The following RECK variants were observed in gnomAD, a reference collection of about 807,000 sequenced individuals.
The protein encoded by RECK is reversion-inducing cysteine-rich protein with Kazal motifs.
A neutral mutation model predicts 115.1 loss-of-function variants in RECK; 69 were observed. The observed-to-expected ratio is 0.60, with a 90% CI of 0.49 to 0.73. The LOEUF is 0.73. Ranked by LOEUF, RECK falls within the 30% of genes least tolerant of loss-of-function variation. The pLI is 0.00. For missense variants in RECK, 1,047 were observed against 1,203.7 expected (o/e 0.87, Z 1.93); for synonymous variants, 414 against 419.7 (o/e 0.99, Z 0.17).
In RECK at chr9:36,100,524, C is replaced by T. The variant is rs189825349; in HGVS notation, c.1279C>T (p.Arg427Trp). The T allele has an allele frequency of 2.4e-5, 38 of 1,613,386 alleles. No homozygotes were observed. The East Asian group carries it at 7.8e-4, about 33-fold the overall frequency. The change falls in exon 11 of 21, where the codon CGG becomes TGG. Residue 427 changes from arginine to tryptophan, a missense_variant. By Grantham distance (101) the Arg-to-Trp change is moderately radical. Transcript: ENST00000377966. ...LQIKPCHSKS[R>W]GSIICKSDCV... ...GATTAAACCTTGTCATAGTAAATCTCGGGGAAGTATTATTTGCAAGTAAGT... is the reference window on the plus strand; with the variant it reads ...GATTAAACCTTGTCATAGTAAATCTTGGGGAAGTATTATTTGCAAGTAAGT...
At chr9:36,056,312 GA>G (rs1234112521) in intron 2 of RECK, among the ~76,000 whole-genome samples, 1 of 151,928 alleles carries the variant, frequency 6.6e-6, no homozygotes, top group African/African-American at 2.4e-5. Flanking sequence ...TAGTTATTCA[GA>G]TTTCTTAATT....
At chr9:36,045,195 C>G (rs1821024843) in intron 1 of RECK, among the ~76,000 whole-genome samples, 1 of 152,146 alleles carries the variant, frequency 6.6e-6, no homozygotes, top group African/African-American at 2.4e-5. Context: ...CTATTTGGCG[C>G]TTCCTTGGCT....
chr9:36,041,412 G>A (rs1820859386), intron 1 of RECK, among the ~76,000 whole-genome samples: 1 of 152,166 alleles, frequency 6.6e-6, no homozygotes, highest in Admixed American at 6.5e-5. Flanking sequence ...CAGTGGGGAA[G>A]GGAATTATCT....
intron 10 of RECK, among the ~76,000 whole-genome samples, chr9:36,091,933 A>G (rs1023992229): frequency 6.6e-6 from 1 of 152,210 alleles, no homozygotes; most frequent in African/African-American, 2.4e-5. Context: ...AGCAAGAGAG[A>G]GAGAGTTACT....
At chr9:36,099,635 T>G (rs1302057738) in intron 10 of RECK, among the ~76,000 whole-genome samples, 1 of 151,964 alleles carries the variant, frequency 6.6e-6, no homozygotes, top group East Asian at 1.9e-4. Flanking sequence ...GTGCCACAAT[T>G]TTTTTGTTTG....
chr9:36,090,720 A>G (rs1014649436), intron 9 of RECK, among the ~76,000 whole-genome samples: 1 of 152,234 alleles, frequency 6.6e-6, no homozygotes, highest in Non-Finnish European at 1.5e-5. Flanking sequence ...CCCTAAGTCT[A>G]TCATGCTTCT....
Position 36,082,450 on chromosome 9 carries a change from G to A in RECK, c.440-915G>A, listed in dbSNP as rs187208243. 2.8e-4 allele frequency among the ~76,000 whole-genome samples: 42 copies of A among 151,868 alleles called. No homozygotes were observed. The East Asian group carries it at 3.1e-3, about 11-fold the overall frequency. On this transcript the variant is annotated intron_variant, in intron 7 of 20. Coordinates refer to ENST00000377966, the MANE Select transcript of RECK (RefSeq NM_021111.3). ...ACTGGGATTATAGATGTGAGCCACA[G>A]CACCCGACCCCCCTGCTTTCTCTTA...
intron 1 of RECK, among the ~76,000 whole-genome samples, chr9:36,037,864 G>A (rs1007887162): frequency 6.6e-6 from 1 of 152,026 alleles, no homozygotes. Flanking sequence ...TGCACAGAGG[G>A]AGAGAGGACA....
intron 1 of RECK, among the ~76,000 whole-genome samples, chr9:36,041,289 A>G (rs143836379): frequency 6.6e-6 from 1 of 152,386 alleles, no homozygotes; most frequent in African/African-American, 2.4e-5. Flanking sequence ...GCTGTAAAGC[A>G]CATAGGTAAC....
At chr9:36,086,547 T>C (rs1822968514) in intron 8 of RECK, among the ~76,000 whole-genome samples, 1 of 152,176 alleles carries the variant, frequency 6.6e-6, no homozygotes, top group Admixed American at 6.5e-5. Context: ...GAACAAAACT[T>C]CCACAGCATG....
intron 14 of RECK, among the ~76,000 whole-genome samples, chr9:36,109,089 A>C (rs1312509185): frequency 1.3e-5 from 2 of 151,994 alleles, no homozygotes; most frequent in Non-Finnish European, 2.9e-5. Flanking sequence ...CTCAATCCAT[A>C]TTCTGCTTGA....
intron 6 of RECK, among the ~76,000 whole-genome samples, chr9:36,079,700 G>T (rs1391512268): frequency 6.6e-6 from 1 of 152,106 alleles, no homozygotes; most frequent in African/African-American, 2.4e-5. Flanking sequence ...AACAATAAGG[G>T]TGTGCTTGAT....
chr9:36,073,622 A>T (rs1050024086), intron 6 of RECK, among the ~76,000 whole-genome samples: 7 of 152,120 alleles, frequency 4.6e-5, no homozygotes, highest in African/African-American at 1.7e-4. Context: ...ACCAAATTTG[A>T]TCCATGTCAC....
chr9:36,057,393 C>T (rs1366315213), intron 2 of RECK, among the ~76,000 whole-genome samples: 1 of 152,138 alleles, frequency 6.6e-6, no homozygotes, highest in East Asian at 1.9e-4. Context: ...TGGGTTTCTC[C>T]ACTTTTTTTG....
intron 1 of RECK, among the ~76,000 whole-genome samples, chr9:36,039,027 G>T (rs967731282): frequency 1.3e-5 from 2 of 152,142 alleles, no homozygotes; most frequent in Admixed American, 6.5e-5. Context: ...GTTAAAGAAA[G>T]AAACTTGTTT....
Position 36,058,892 on chromosome 9 carries a change from A to G in RECK, c.225A>G (p.Pro75=). Residue 75 remains proline (P), a synonymous_variant, in exon 3 of 21, where the codon CCA becomes CCG. Transcript: ENST00000377966. Reference sequence around the variant, plus strand: ...TGCAGCGAGCCCCAGATTATTGCCCAGAGACAATGGTAAGTCTTATTGTAA... The same window carrying G: ...TGCAGCGAGCCCCAGATTATTGCCCGGAGACAATGGTAAGTCTTATTGTAA... ...HLLQRAPDYC[P]ETMVEIWNCM... The G allele has an allele frequency of 6.4e-7, 1 of 1,571,546 alleles. No homozygotes were observed. Among genetic ancestry groups the G allele is most frequent in the Non-Finnish European group, 8.7e-7 (1 of 1,154,806 alleles).
In RECK at chr9:36,037,044, C is replaced by A; in HGVS notation, c.46C>A (p.Leu16Met). 7.1e-7 allele frequency: 1 copy of A among 1,408,238 alleles called. No individual in the cohort carries two copies. The highest frequency in any genetic ancestry group is 9.3e-7 in the Non-Finnish European group (1 of 1,075,758). 87.2% of individuals were successfully genotyped at this position (1,408,238 alleles called of 1,614,324 possible). A position where few individuals can be genotyped will look rare whatever the true frequency, so the allele number is the denominator to read the frequency against. ...ASLRGALLLLLAVAGVAEVAG... is the reference protein window; with the variant it reads ...ASLRGALLLLMAVAGVAEVAG... ...TCTGCGAGGTGCGCTGCTCCTTCTG[C>A]TGGCCGTGGCGGGGGTCGCGGAGGT... Residue 16 changes from leucine to methionine, a missense_variant, in exon 1 of 21, where the codon CTG (leucine) becomes ATG (methionine). Transcript: ENST00000377966.
chr9:36,038,923 G>T (rs1820768774), intron 1 of RECK, among the ~76,000 whole-genome samples: 2 of 152,154 alleles, frequency 1.3e-5, no homozygotes, highest in Admixed American at 1.3e-4. Flanking sequence ...TAGTGGTGAT[G>T]GCTACACAAC....
chr9:36,104,248 T>C (rs1406770759), intron 12 of RECK, among the ~76,000 whole-genome samples: 3 of 143,916 alleles, frequency 2.1e-5, no homozygotes, highest in Non-Finnish European at 3.0e-5. Flanking sequence ...TAATTATTTA[T>C]TTATAGATAC....
Sources: gnomAD v4.1 joint callset for allele counts (sites outside exome capture counted in the v4.1 genomes callset) on GRCh38, gnomAD v4.1.1 for gene constraint, MANE v1.5 for transcripts, NCBI Gene and HGNC (gene_info 2026-07-23, HGNC 2026-07-21) for gene names.